SYT9: variants seen among roughly 807,000 people sequenced by gnomAD.
SYT9 encodes the protein synaptotagmin 9.
Under a neutral mutation model 48.4 loss-of-function variants are expected in SYT9, and 22 were observed. The observed-to-expected ratio is 0.45, with a 90% CI of 0.32 to 0.65. The LOEUF (loss-of-function observed/expected upper bound fraction) is 0.65, where lower values mean the gene tolerates loss of function less well. SYT9 is among the 30% of genes least tolerant of loss of function. SYT9 has a pLI of 0.03. For missense variants in SYT9, 577 were observed against 622.0 expected, an observed-to-expected ratio of 0.93 and a Z score of 0.77; for synonymous variants, 265 against 245.0, an observed-to-expected ratio of 1.08 and a Z score of -0.76.
At chr11:7,284,204 T>G (rs1848556111) in intron 1 of SYT9, among the ~76,000 whole-genome samples, 1 of 152,176 alleles carries the variant, frequency 6.6e-6, no homozygotes, top group Non-Finnish European at 1.5e-5. Flanking sequence ...AGCCTCTTGA[T>G]CATACATTTT....
chr11:7,309,655 T>C (rs1381947309), intron 2 of SYT9, among the ~76,000 whole-genome samples: 1 of 152,190 alleles, frequency 6.6e-6, no homozygotes, highest in Non-Finnish European at 1.5e-5. Flanking sequence ...TGCGTTTTCT[T>C]CCCACCTCTG....
intron 1 of SYT9, among the ~76,000 whole-genome samples, chr11:7,298,329 G>A (rs1848850476): frequency 1.3e-5 from 2 of 152,094 alleles, no homozygotes; most frequent in South Asian, 2.1e-4. Flanking sequence ...GATCTCAAGG[G>A]TGTCTTTTTC....
intron 3 of SYT9, among the ~76,000 whole-genome samples, chr11:7,348,247 A>G (rs1345486244): frequency 6.6e-6 from 1 of 152,172 alleles, no homozygotes; most frequent in Non-Finnish European, 1.5e-5. Flanking sequence ...TCCCTGTACC[A>G]ACTCTACCCC....
chr11:7,450,196 A>G (rs1476490537), intron 6 of SYT9, among the ~76,000 whole-genome samples: 1 of 152,240 alleles, frequency 6.6e-6, no homozygotes, highest in Non-Finnish European at 1.5e-5. Flanking sequence ...CATGAGGCAA[A>G]TAACTGGCCG....
intron 3 of SYT9, among the ~76,000 whole-genome samples, chr11:7,314,830 C>G (rs1849210795): frequency 6.6e-6 from 1 of 152,248 alleles, no homozygotes; most frequent in African/African-American, 2.4e-5. Context: ...GCGTAGCTCT[C>G]TTTCTCTGCC....
At chr11:7,457,189 G>A (rs1848163034) in intron 6 of SYT9, 1 of 152,144 alleles carries the variant, frequency 6.6e-6, no homozygotes, top group South Asian at 2.1e-4. Context: ...TTTTTCTTGT[G>A]CTGTCCTTTC....
At chr11:7,262,535 G>A (rs74051004) in intron 1 of SYT9, among the ~76,000 whole-genome samples, 27,900 of 151,938 alleles carry the variant, frequency 0.18, 2,528 homozygotes, top group East Asian at 0.25. Flanking sequence ...AGAACTTGAG[G>A]AACTACAAAG....
At chr11:7,384,644 A>G (rs773748453) in intron 3 of SYT9, among the ~76,000 whole-genome samples, 1 of 152,152 alleles carries the variant, frequency 6.6e-6, no homozygotes, top group Non-Finnish European at 1.5e-5. Context: ...TCCCCAGACT[A>G]TTCTTAACAC....
chr11:7,408,373 T>A (rs920188466), intron 3 of SYT9, among the ~76,000 whole-genome samples: 4 of 152,030 alleles, frequency 2.6e-5, no homozygotes, highest in African/African-American at 4.8e-5. Flanking sequence ...GGTGATCCAC[T>A]CGCCTCAGCC....
At chr11:7,338,365 G>C (rs1269264020) in intron 3 of SYT9, among the ~76,000 whole-genome samples, 1 of 151,970 alleles carries the variant, frequency 6.6e-6, no homozygotes, top group Non-Finnish European at 1.5e-5. Context: ...GTTCAGCTCT[G>C]ATTTTCATTT....
intron 1 of SYT9, among the ~76,000 whole-genome samples, chr11:7,253,673 A>G (rs1193541688): frequency 6.6e-6 from 1 of 152,238 alleles, no homozygotes; most frequent in African/African-American, 2.4e-5. Flanking sequence ...ATATTACTTC[A>G]AAGTGGATAA....
At chr11:7,308,531 T>C (rs1275901239) in intron 2 of SYT9, among the ~76,000 whole-genome samples, 2 of 152,222 alleles carry the variant, frequency 1.3e-5, no homozygotes, top group Non-Finnish European at 2.9e-5. Context: ...CCCATTCTGC[T>C]AGAGAGGTAG....
chr11:7,367,193 T>C (rs1451232568), intron 3 of SYT9, among the ~76,000 whole-genome samples: 2 of 142,940 alleles, frequency 1.4e-5, no homozygotes, highest in African/African-American at 5.1e-5. Flanking sequence ...GCCATTCTCC[T>C]GCCTCAGCCT....
upstream of SYT9, among the ~76,000 whole-genome samples, chr11:7,247,474 CAT>C (rs1280556908): frequency 6.7e-6 from 1 of 148,994 alleles, no homozygotes; most frequent in Admixed American, 6.7e-5. Flanking sequence ...TATATATATA[CAT>C]ATATATATAC....
At chr11:7,329,425 C>T (rs1171064572) in intron 3 of SYT9, among the ~76,000 whole-genome samples, 1 of 152,116 alleles carries the variant, frequency 6.6e-6, no homozygotes, top group African/African-American at 2.4e-5. Context: ...ATACTTTTGA[C>T]ATCTTTTTAG....
chr11:7,408,801 C>T (rs1399263275), intron 3 of SYT9, among the ~76,000 whole-genome samples: 4 of 151,964 alleles, frequency 2.6e-5, no homozygotes, highest in Non-Finnish European at 1.5e-5. Flanking sequence ...AATTTGGATG[C>T]CTTTTATTTT....
chr11:7,358,500 TG>T (rs1041098394), intron 3 of SYT9, among the ~76,000 whole-genome samples: 2 of 152,140 alleles, frequency 1.3e-5, no homozygotes, highest in African/African-American at 4.8e-5. Context: ...TCTACAGAAA[TG>T]GGGCAAGCAA....
intron 1 of SYT9, among the ~76,000 whole-genome samples, chr11:7,259,501 G>A (rs1368618047): frequency 6.6e-6 from 1 of 152,016 alleles, no homozygotes; most frequent in African/African-American, 2.4e-5. Context: ...GTAGATCTAT[G>A]TTAGTTAGTC....
chr11:7,298,476 C>T (rs184659846), intron 1 of SYT9, among the ~76,000 whole-genome samples: 239 of 152,208 alleles, frequency 1.6e-3, no homozygotes, highest in Non-Finnish European at 5.0e-4. Flanking sequence ...AGCTTGGTTA[C>T]CTCTTTTGAG....
Sources: allele counts gnomAD v4.1 joint callset (sites outside exome capture counted in the v4.1 genomes callset), GRCh38; gene constraint gnomAD v4.1.1; transcripts MANE v1.5; gene names NCBI Gene and HGNC (gene_info 2026-07-23, HGNC 2026-07-21).